The following MEI4 variants were observed in gnomAD, a reference collection of about 807,000 sequenced individuals.
MEI4 encodes the protein meiotic double-stranded break formation protein 4.
MEI4 carries 27 observed loss-of-function variants against 31.4 expected under a neutral mutation model. The ratio of observed to expected loss-of-function variants is 0.86; its 90% CI spans 0.63 to 1.19. The LOEUF (loss-of-function observed/expected upper bound fraction) is 1.19, where lower values mean the gene tolerates loss of function less well. MEI4 is among the 50% of genes most tolerant of loss of function. The pLI is 0.00. For missense variants in MEI4, 329 were observed against 398.9 expected (o/e 0.82, Z 1.49); for synonymous variants, 122 against 145.4 (o/e 0.84, Z 1.16).
chr6:77,697,976 A>T (rs142030335), intron 2 of MEI4, among the ~76,000 whole-genome samples: 2 of 152,012 alleles, frequency 1.3e-5, no homozygotes, highest in South Asian at 2.1e-4. Context: ...TATATTTAGG[A>T]TAGTTAGCTC....
At chr6:77,828,418 A>G (rs1770005640) in intron 3 of MEI4, among the ~76,000 whole-genome samples, 2 of 152,030 alleles carry the variant, frequency 1.3e-5, no homozygotes, top group Non-Finnish European at 2.9e-5. Context: ...CTGTGCATGC[A>G]AGGGATCTAG....
At chr6:77,876,299 G>A (rs1771335879) in intron 4 of MEI4, among the ~76,000 whole-genome samples, 1 of 152,164 alleles carries the variant, frequency 6.6e-6, no homozygotes, top group South Asian at 2.1e-4. Context: ...GTCCTTGAGA[G>A]CTCTGCCCTA....
chr6:77,845,302 C>T (rs1439263111), intron 4 of MEI4, among the ~76,000 whole-genome samples: 1 of 152,088 alleles, frequency 6.6e-6, no homozygotes, highest in Non-Finnish European at 1.5e-5. Flanking sequence ...TTTCCAACTT[C>T]CAAAGATAAT....
intron 2 of MEI4, among the ~76,000 whole-genome samples, chr6:77,735,882 A>G (rs979524457): frequency 3.3e-5 from 5 of 151,926 alleles, no homozygotes; most frequent in Non-Finnish European, 5.9e-5. Context: ...GGTCTGTTGG[A>G]GTACCCGGCC....
chr6:77,852,356 C>A (rs1432526946), intron 4 of MEI4, among the ~76,000 whole-genome samples: 1 of 152,194 alleles, frequency 6.6e-6, no homozygotes, highest in East Asian at 1.9e-4. Context: ...TATACATAAT[C>A]AGTGCAAATG....
chr6:77,756,545 T>A (rs918506961), intron 2 of MEI4, among the ~76,000 whole-genome samples: 2 of 151,650 alleles, frequency 1.3e-5, no homozygotes, highest in East Asian at 1.9e-4. Context: ...GGCTTTTTTT[T>A]AGCTGATTTT....
At chr6:77,910,031 T>C (rs1766395769) in intron 4 of MEI4, among the ~76,000 whole-genome samples, 1 of 152,142 alleles carries the variant, frequency 6.6e-6, no homozygotes, top group South Asian at 2.1e-4. Flanking sequence ...AAACTCTGAA[T>C]AAATTAGGTA....
chr6:77,765,268 C>T (rs10498916), intron 3 of MEI4, among the ~76,000 whole-genome samples: 42,836 of 149,740 alleles, frequency 0.29, 6,962 homozygotes, highest in South Asian at 0.39. Context: ...TTATTTTCTC[C>T]ACTATGCCCA....
At chr6:77,787,617 CACAG>C (rs1448137616) in intron 3 of MEI4, among the ~76,000 whole-genome samples, 1 of 152,114 alleles carries the variant, frequency 6.6e-6, no homozygotes, top group East Asian at 1.9e-4. Context: ...CCTTCAAATG[CACAG>C]ACAACCATGC....
In MEI4 at chr6:77,893,954, C is replaced by A. The variant is rs189318165; in HGVS notation, c.901-29135C>A. Among the ~76,000 whole-genome samples the A allele has an allele frequency of 7.4e-4, 113 of 151,996 alleles. 1 individual carries two copies. The East Asian group carries it at 0.015, about 21-fold the overall frequency. On this transcript the variant is annotated intron_variant, in intron 4 of 4. Coordinates refer to ENST00000684080, the MANE Select transcript of MEI4 (RefSeq NM_001322247.2). The stretch of plus-strand genomic sequence containing the variant: ...CCATATAACAAACCTGCTCATGTAC[C>A]CCCTGAATCTAAAACAAAAGTTGAA...
At chr6:77,805,606 C>T (rs571416607) in intron 3 of MEI4, among the ~76,000 whole-genome samples, 22 of 152,096 alleles carry the variant, frequency 1.4e-4, no homozygotes, top group African/African-American at 5.1e-4. Flanking sequence ...TAATCAGTTA[C>T]TTAGTATTAG....
rs1766784435 is a variant in MEI4 at position 77,924,077 on chromosome 6, A to AAATT, written c.*732_*735dup. On this transcript the variant is annotated 3_prime_UTR_variant, in exon 5 of 5. Coordinates refer to ENST00000684080, the MANE Select transcript of MEI4 (RefSeq NM_001322247.2). The stretch of plus-strand genomic sequence containing the variant: ...AATTAAGTCACTAGACATATTTTAT[A>AAATT]AATTCTAATATCCATCTAAAAGTGA... The AAATT allele has an allele frequency of 1.3e-5, 2 of 151,830 alleles. No individual in the cohort carries two copies. Among genetic ancestry groups the AAATT allele is most frequent in the African/African-American group, 4.8e-5 (2 of 41,422 alleles). The allele number at this position is 151,830 out of a possible 1,614,324, so 9.4% of individuals were successfully genotyped here.
intron 3 of MEI4, among the ~76,000 whole-genome samples, chr6:77,787,938 C>T (rs1180910226): frequency 1.3e-5 from 2 of 152,146 alleles, no homozygotes; most frequent in Non-Finnish European, 2.9e-5. Flanking sequence ...CATCGATGTT[C>T]ATCAGGGATA....
intron 1 of MEI4, among the ~76,000 whole-genome samples, chr6:77,670,376 C>T (rs1294547624): frequency 3.3e-5 from 5 of 152,036 alleles, no homozygotes; most frequent in Non-Finnish European, 7.4e-5. Context: ...GAACTGAACA[C>T]AGCTAGGAGG....
At chr6:77,895,850 G>C (rs1766073098) in intron 4 of MEI4, among the ~76,000 whole-genome samples, 1 of 152,064 alleles carries the variant, frequency 6.6e-6, no homozygotes, top group Non-Finnish European at 1.5e-5. Context: ...TTAGTCCTTA[G>C]AGAATTTAGC....
chr6:77,863,619 G>A (rs1562016573), intron 4 of MEI4, among the ~76,000 whole-genome samples: 1 of 152,214 alleles, frequency 6.6e-6, no homozygotes, highest in Non-Finnish European at 1.5e-5. Flanking sequence ...GTACCTGAAA[G>A]TGACGGAGAG....
chr6:77,896,272 G>C (rs956484527), intron 4 of MEI4, among the ~76,000 whole-genome samples: 42 of 152,182 alleles, frequency 2.8e-4, no homozygotes, highest in South Asian at 6.2e-4. Context: ...CCACCAGTCT[G>C]CTCAATCCAA....
In MEI4 at chr6:77,714,319, T is replaced by C. The variant is rs187780047; in HGVS notation, c.232+23416T>C. On this transcript the variant is annotated intron_variant, in intron 2 of 4. Coordinates refer to ENST00000684080, the MANE Select transcript of MEI4 (RefSeq NM_001322247.2). ...AATTCTTTTTATTATACTTTGAGAA[T>C]TGACTCTGAACTATTTTTATTATTT... 1.4e-4 allele frequency among the ~76,000 whole-genome samples: 21 copies of C among 152,282 alleles called. No individual in the cohort carries two copies. The East Asian group carries it at 2.3e-3, about 17-fold the overall frequency.
At chr6:77,653,179 C>T (rs866671727) in intron 1 of MEI4, among the ~76,000 whole-genome samples, 87 bp downstream of exon 1, 3 of 152,144 alleles carry the variant, frequency 2.0e-5, no homozygotes, top group African/African-American at 4.8e-5. Context: ...ACCAAGGCTT[C>T]GCAAGGATCT....
Sources: gnomAD v4.1 joint callset for allele counts (sites outside exome capture counted in the v4.1 genomes callset) on GRCh38, gnomAD v4.1.1 for gene constraint, MANE v1.5 for transcripts, NCBI Gene and HGNC (gene_info 2026-07-23, HGNC 2026-07-21) for gene names.